THSD7B: variants seen among roughly 807,000 people sequenced by gnomAD.
THSD7B encodes the protein thrombospondin type-1 domain-containing protein 7B.
THSD7B carries 138 observed loss-of-function variants against 213.6 expected under a neutral mutation model. The observed-to-expected ratio is 0.65, with a 90% CI of 0.56 to 0.74. THSD7B has a LOEUF of 0.74. Among genes scored for constraint, THSD7B ranks in the 30% least tolerant of loss-of-function variants. THSD7B has a pLI of 0.00. For synonymous variants in THSD7B, 742 were observed against 687.0 expected (o/e 1.08, Z -1.25); for missense variants, 1,931 against 1,991.5 (o/e 0.97, Z 0.58).
In THSD7B at chr2:137,644,751, G is replaced by A. The variant is rs185775504; in HGVS notation, c.3945+2118G>A. Among the ~76,000 whole-genome samples, 4 of 152,208 alleles carry A rather than the reference G, an allele frequency of 2.6e-5. No homozygotes were observed. In the East Asian group the frequency reaches 7.7e-4, roughly 29 times the overall value. ...TGCATTTGTGCTTCCTCTTGTCCTA[G>A]CATGTCCTTGCCTGCCAAACACAAG... On this transcript the variant is annotated intron_variant, in intron 21 of 27. Coordinates refer to ENST00000409968, the MANE Select transcript of THSD7B (RefSeq NM_001316349.2).
At chr2:137,483,724 G>C (rs1189665574) in intron 15 of THSD7B, among the ~76,000 whole-genome samples, 1 of 152,196 alleles carries the variant, frequency 6.6e-6, no homozygotes, top group African/African-American at 2.4e-5. Flanking sequence ...AGTAGAAAAT[G>C]GGAGGGAGGC....
At chr2:137,128,820 T>G (rs961905004) in intron 5 of THSD7B, among the ~76,000 whole-genome samples, 1 of 152,230 alleles carries the variant, frequency 6.6e-6, no homozygotes, top group Admixed American at 6.5e-5. Context: ...TTAGCTAAAT[T>G]TAGCGACTAT....
intron 3 of THSD7B, among the ~76,000 whole-genome samples, chr2:137,064,702 C>G (rs1217028968): frequency 6.6e-6 from 1 of 151,894 alleles, no homozygotes; most frequent in African/African-American, 2.4e-5. Context: ...ACATAGGGGT[C>G]TAGTTTCATT....
In THSD7B at chr2:137,130,841, G is replaced by A. The variant is rs1467936857; in HGVS notation, c.1369+15548G>A. Among the ~76,000 whole-genome samples, 18 of 134,010 alleles carry A rather than the reference G, an allele frequency of 1.3e-4. 1 individual carries two copies. The highest frequency in any genetic ancestry group is 5.5e-4 in the Admixed American group (7 of 12,666). 87.9% of individuals were successfully genotyped at this position (134,010 alleles called of 152,430 possible). A position where few individuals can be genotyped will look rare whatever the true frequency, so the allele number is the denominator to read the frequency against. On this transcript the variant is annotated intron_variant, in intron 5 of 27. Transcript: ENST00000409968. ...GTGAATAGTGCCACAATAAACATACGTGTGCATGTGTCTTTATAGCAGCAT... is the reference window on the plus strand; with the variant it reads ...GTGAATAGTGCCACAATAAACATACATGTGCATGTGTCTTTATAGCAGCAT...
chr2:137,192,689 C>T (rs1262716968), intron 7 of THSD7B, among the ~76,000 whole-genome samples: 1 of 152,046 alleles, frequency 6.6e-6, no homozygotes, highest in African/African-American at 2.4e-5. Flanking sequence ...ATGCATTTTG[C>T]TTTAACTGCC....
chr2:137,544,733 T>C (rs916927694), intron 15 of THSD7B, among the ~76,000 whole-genome samples: 4 of 151,806 alleles, frequency 2.6e-5, no homozygotes, highest in African/African-American at 9.7e-5. Flanking sequence ...TATATAGTGA[T>C]TTATAAATAG....
intron 20 of THSD7B, among the ~76,000 whole-genome samples, chr2:137,632,613 G>C (rs1284602627): frequency 2.6e-5 from 4 of 152,198 alleles, no homozygotes; most frequent in African/African-American, 9.6e-5. Context: ...CTGGAGGTAA[G>C]CGGTCAGAAT....
chr2:137,310,559 T>G (rs201876122), intron 12 of THSD7B, among the ~76,000 whole-genome samples: 2 of 151,556 alleles, frequency 1.3e-5, no homozygotes, highest in East Asian at 3.9e-4. Flanking sequence ...TTTTGGTGTT[T>G]TAGACATGAA....
chr2:137,092,560 T>C (rs1283363721), intron 3 of THSD7B, among the ~76,000 whole-genome samples: 2 of 152,160 alleles, frequency 1.3e-5, no homozygotes, highest in East Asian at 1.9e-4. Flanking sequence ...AATATGAGCA[T>C]ATTTTACTCT....
chr2:136,976,542 C>T (rs904655266), intron 2 of THSD7B, among the ~76,000 whole-genome samples: 8 of 152,026 alleles, frequency 5.3e-5, no homozygotes, highest in African/African-American at 1.9e-4. Flanking sequence ...GGTGGATAAG[C>T]TTTTTGATAT....
At chr2:137,579,277 G>A (rs1217303859) in intron 17 of THSD7B, among the ~76,000 whole-genome samples, 3 of 152,106 alleles carry the variant, frequency 2.0e-5, no homozygotes, top group African/African-American at 4.8e-5. Context: ...ACATTCCCAT[G>A]AGCAAGAGGA....
intron 2 of THSD7B, among the ~76,000 whole-genome samples, chr2:136,911,314 T>C (rs183541965): frequency 2.3e-4 from 35 of 152,320 alleles, no homozygotes; most frequent in Non-Finnish European, 4.3e-4. Context: ...TGCCATTCAT[T>C]AATAATTCTT....
chr2:136,788,229 G>A (rs1393832386), intron 1 of THSD7B, among the ~76,000 whole-genome samples: 1 of 152,186 alleles, frequency 6.6e-6, no homozygotes, highest in East Asian at 1.9e-4. Context: ...GAGACCTTAA[G>A]CTACTAGAGT....
chr2:137,418,767 A>T (rs369132673), intron 14 of THSD7B, among the ~76,000 whole-genome samples: 1 of 152,156 alleles, frequency 6.6e-6, no homozygotes, highest in Non-Finnish European at 1.5e-5. Context: ...GCTCCCACAT[A>T]TAAGTGAGGA....
At chr2:137,444,603 C>T (rs1420784031) in intron 14 of THSD7B, among the ~76,000 whole-genome samples, 1 of 151,904 alleles carries the variant, frequency 6.6e-6, no homozygotes, top group African/African-American at 2.4e-5. Context: ...CTCTATCCCT[C>T]ACCATTTACA....
intron 1 of THSD7B, among the ~76,000 whole-genome samples, chr2:136,782,282 G>A (rs149531237): frequency 6.6e-6 from 1 of 152,246 alleles, no homozygotes; most frequent in East Asian, 1.9e-4. Flanking sequence ...CTACCTTGCT[G>A]TAACTCCCTC....
At chr2:136,777,950 A>G (rs1440135596) in intron 1 of THSD7B, among the ~76,000 whole-genome samples, 1 of 152,178 alleles carries the variant, frequency 6.6e-6, no homozygotes, top group East Asian at 1.9e-4. Context: ...AAAAAGTTGA[A>G]AGTGGCAGAG....
At chr2:137,208,555 C>T (rs1367787718) in intron 7 of THSD7B, among the ~76,000 whole-genome samples, 1 of 152,010 alleles carries the variant, frequency 6.6e-6, no homozygotes, top group Non-Finnish European at 1.5e-5. Flanking sequence ...ACTTAACCAC[C>T]CAGCACTGAA....
chr2:137,488,964 A>G (rs951437104), intron 15 of THSD7B, among the ~76,000 whole-genome samples: 1 of 152,180 alleles, frequency 6.6e-6, no homozygotes, highest in Non-Finnish European at 1.5e-5. Context: ...CTCAGATTTT[A>G]GGGATAAAGT....
Sources: allele counts gnomAD v4.1 joint callset (sites outside exome capture counted in the v4.1 genomes callset), GRCh38; gene constraint gnomAD v4.1.1; transcripts MANE v1.5; gene names NCBI Gene and HGNC (gene_info 2026-07-23, HGNC 2026-07-21).